Variants in FAM83A observed in about 807,000 individuals in gnomAD.
FAM83A encodes protein FAM83A.
In FAM83A, 21 loss-of-function variants were observed where a neutral mutation model predicts 24.4. That is an observed-to-expected ratio of 0.86 (90% CI 0.61 to 1.24). The LOEUF (loss-of-function observed/expected upper bound fraction) is 1.24. Among genes scored for constraint, FAM83A ranks in the 50% most tolerant of loss-of-function variants. FAM83A has a pLI of 0.00. For synonymous variants in FAM83A, 270 were observed against 252.4 expected (o/e 1.07, Z -0.66); for missense variants, 617 against 579.8 (o/e 1.06, Z -0.66).
chr8:123,186,559 G>A (rs1823806394), intron 1 of FAM83A, among the ~76,000 whole-genome samples: 1 of 152,100 alleles, frequency 6.6e-6, no homozygotes, highest in African/African-American at 2.4e-5. Flanking sequence ...GCTGGGCACG[G>A]TGGCTCTCAC....
chr8:123,189,988 G>A (rs1304868427), intron 1 of FAM83A, among the ~76,000 whole-genome samples: 2 of 152,102 alleles, frequency 1.3e-5, no homozygotes, highest in Non-Finnish European at 2.9e-5. Flanking sequence ...ACGGAATAAT[G>A]ACATTTTGGT....
At chr8:123,207,185 C>T (rs142743626) in exon 4 of FAM83A, 2 of 1,605,454 alleles carry the variant, frequency 1.2e-6, no homozygotes, top group Middle Eastern at 1.7e-4. Context: ...ACACGTGCAC[C>T]GGAACATCCT....
intron 3 of FAM83A, among the ~76,000 whole-genome samples, chr8:123,197,174 A>C (rs972043299): frequency 6.6e-6 from 1 of 152,204 alleles, no homozygotes; most frequent in Non-Finnish European, 1.5e-5. Flanking sequence ...ACTCAGGCCT[A>C]GGGTGGGGCA....
upstream of FAM83A, chr8:123,181,893 C>G (rs924952255): frequency 2.7e-6 from 1 of 366,628 alleles, no homozygotes; most frequent in Admixed American, 3.1e-5. Flanking sequence ...TCCAGCAGAG[C>G]CCACCCAAAG....
chr8:123,207,196 C>T (rs781537157), exon 4 of FAM83A: 1 of 1,610,462 alleles, frequency 6.2e-7, no homozygotes. Context: ...GGAACATCCT[C>T]TCCAAGTTCA....
exon 4 of FAM83A, chr8:123,207,878 G>C (rs1824618698): frequency 1.7e-5 from 24 of 1,378,620 alleles, no homozygotes; most frequent in Non-Finnish European, 2.2e-5. Flanking sequence ...TGGGTTCCCC[G>C]CTCTAGTTTG....
chr8:123,201,409 C>G (rs769758932), intron 3 of FAM83A: 2 of 152,132 alleles, frequency 1.3e-5, no homozygotes, highest in Non-Finnish European at 2.9e-5. Context: ...CATGCAGGGC[C>G]GTCTGTGTTT....
exon 4 of FAM83A, chr8:123,207,686 T>C: frequency 6.7e-7 from 1 of 1,491,848 alleles, no homozygotes. Context: ...CCCTCACTTC[T>C]GAAGGTCCCA....
At chr8:123,206,011 C>T (rs1445423187) in intron 3 of FAM83A, among the ~76,000 whole-genome samples, 2 of 151,840 alleles carry the variant, frequency 1.3e-5, no homozygotes, top group South Asian at 2.1e-4. Flanking sequence ...GGCGTGGTGG[C>T]GGGCGCCTGT....
chr8:123,179,625 G>A (rs1269190882), upstream of FAM83A: 1 of 152,196 alleles, frequency 6.6e-6, no homozygotes, highest in Non-Finnish European at 1.5e-5. Flanking sequence ...GCACTAACAT[G>A]TACGGTGTGT....
intron 2 of FAM83A, among the ~76,000 whole-genome samples, chr8:123,192,301 T>C (rs115461712): frequency 1.0e-3 from 154 of 152,146 alleles, no homozygotes; most frequent in African/African-American, 3.6e-3. Context: ...TGCTGGGAAA[T>C]GTAAAGGGTC....
chr8:123,205,862 A>G (rs944962469), intron 3 of FAM83A, among the ~76,000 whole-genome samples: 1 of 152,076 alleles, frequency 6.6e-6, no homozygotes, highest in African/African-American at 2.4e-5. Flanking sequence ...TCTGGGAAAC[A>G]GGCCGGGCGC....
At chr8:123,202,541 A>G (rs1401311650) in intron 3 of FAM83A, 2 of 152,728 alleles carry the variant, frequency 1.3e-5, no homozygotes, top group African/African-American at 2.4e-5. Context: ...TGGACTGGGT[A>G]TGTTTTCTTC....
At position 123,207,566 on chromosome 8, in the gene FAM83A, GC is replaced by G. The variant is rs1367714663; in HGVS notation, c.1185del (p.Ala396LeufsTer25). On this transcript the variant is annotated frameshift_variant, in exon 4 of 4. Transcript: ENST00000690554. LOFTEE classifies it high-confidence loss of function. ...CCCGCGGCCCCACGACGGCCCGCCC[GC>G]CGCTGTCTACAGCAACCTGGGGGCC... The G allele has an allele frequency of 5.1e-6, 8 of 1,565,406 alleles. No homozygotes were observed. Among genetic ancestry groups the G allele is most frequent in the Non-Finnish European group, 6.9e-6 (8 of 1,162,194 alleles).
intron 3 of FAM83A, among the ~76,000 whole-genome samples, chr8:123,198,574 A>C (rs548270734): frequency 6.6e-6 from 1 of 152,322 alleles, no homozygotes; most frequent in African/African-American, 2.4e-5. Flanking sequence ...CACATTCCCA[A>C]GATAAACTTC....
At chr8:123,182,160 CACG>C (rs768670577), upstream of FAM83A, 30 of 455,568 alleles carry the variant, frequency 6.6e-5, no homozygotes, top group Middle Eastern at 3.2e-4. Context: ...TCTCTGCAAA[CACG>C]ACAATGACAA....
intron 1 of FAM83A, 76 bp from the exon 2 acceptor site, chr8:123,191,727 C>A: frequency 6.6e-7 from 1 of 1,522,658 alleles, no homozygotes; most frequent in Non-Finnish European, 9.0e-7. Flanking sequence ...CCCACTGGGA[C>A]TCAGGCAGTT....
upstream of FAM83A, among the ~76,000 whole-genome samples, chr8:123,181,241 C>T (rs1317768455): frequency 6.6e-6 from 1 of 152,194 alleles, no homozygotes. Flanking sequence ...GTCACTGCAC[C>T]CAGCCGCGCC....
At chr8:123,191,863 G>T (rs1563783020) in exon 2 of FAM83A, 1 of 1,614,040 alleles carries the variant, frequency 6.2e-7, no homozygotes, top group Non-Finnish European at 8.5e-7. Context: ...CATTCTAGAG[G>T]CAGCCAACAA....
Sources: gnomAD v4.1 joint callset for allele counts (sites outside exome capture counted in the v4.1 genomes callset) on GRCh38, gnomAD v4.1.1 for gene constraint, MANE v1.5 for transcripts, NCBI Gene and HGNC (gene_info 2026-07-23, HGNC 2026-07-21) for gene names.